G3BP1: variants seen among roughly 807,000 people sequenced by gnomAD.
G3BP1 encodes the protein G3BP stress granule assembly factor 1.
G3BP1 carries 35 observed loss-of-function variants against 58.6 expected under a neutral mutation model. That is an observed-to-expected ratio of 0.60 (90% CI 0.46 to 0.79). G3BP1 has a LOEUF of 0.79. Ranked by LOEUF, G3BP1 falls within the 30% of genes least tolerant of loss-of-function variation. The pLI, the probability that G3BP1 is intolerant of heterozygous loss-of-function variation, is 0.00. For missense variants in G3BP1, 523 were observed against 580.8 expected, an observed-to-expected ratio of 0.90 and a Z score of 1.02; for synonymous variants, 191 against 195.4, an observed-to-expected ratio of 0.98 and a Z score of 0.19.
At position 151,804,385 on chromosome 5, in the gene G3BP1, A is replaced by ATT. The variant is rs764968969; in HGVS notation, c.*309_*310dup. 5.7e-4 allele frequency: 112 copies of ATT among 197,352 alleles called. No homozygotes were observed. Among genetic ancestry groups the ATT allele is most frequent in the Non-Finnish European group, 6.5e-4 (67 of 102,620 alleles). The allele number at this position is 197,352 out of a possible 1,614,324, so 12.2% of individuals were successfully genotyped here. On this transcript the variant is annotated 3_prime_UTR_variant, in exon 12 of 12. Coordinates refer to ENST00000356245, the MANE Select transcript of G3BP1 (RefSeq NM_005754.3). ...TGCTTACTTTGCATATACAGACTGG[A>ATT]TTTTTTTTTTTTTTTTACAGCCATT...
chr5:151,779,370 T>G (rs534715970), intron 1 of G3BP1, among the ~76,000 whole-genome samples: 1 of 152,214 alleles, frequency 6.6e-6, no homozygotes, highest in Non-Finnish European at 1.5e-5. Flanking sequence ...TTTTTTTGTT[T>G]TTTCCATATG....
At position 151,800,830 on chromosome 5, in the gene G3BP1, T is replaced by C; in HGVS notation, c.1155T>C (p.Phe385=). The C allele has an allele frequency of 1.2e-6, 2 of 1,610,140 alleles. No homozygotes were observed. Among genetic ancestry groups the C allele is most frequent in the Non-Finnish European group, 1.7e-6 (2 of 1,176,550 alleles). The stretch of plus-strand genomic sequence containing the variant: ...TACCCAATTTTGGTTTTGTTGTGTT[T>C]GATGATTCTGAGCCTGTTCAGAAAG... The part of the protein sequence containing the change: ...GKLPNFGFVV[F]DDSEPVQKVL... Residue 385 remains phenylalanine (F), a synonymous_variant, in exon 11 of 12, where the codon TTT becomes TTC. Transcript: ENST00000356245.
Position 151,805,486 on chromosome 5 carries a change from A to G in G3BP1, c.*1395A>G, listed in dbSNP as rs914942842. 6.6e-6 allele frequency: 1 copy of G among 152,294 alleles called. No individual in the cohort carries two copies. Among genetic ancestry groups the G allele is most frequent in the African/African-American group, 2.4e-5 (1 of 41,434 alleles). 9.4% of individuals were successfully genotyped at this position (152,294 alleles called of 1,614,324 possible). On this transcript the variant is annotated 3_prime_UTR_variant, in exon 12 of 12. Coordinates refer to ENST00000356245, the MANE Select transcript of G3BP1 (RefSeq NM_005754.3). ...GATTGTCATTACTAATTGAAGGGCA[A>G]CCAGGTTGTAAAATTCAGCGTATTT...
At chr5:151,798,512 C>T (rs962797886) in intron 7 of G3BP1, among the ~76,000 whole-genome samples, 5 of 152,128 alleles carry the variant, frequency 3.3e-5, no homozygotes, top group African/African-American at 7.2e-5. Context: ...CAGGTTCTGG[C>T]GATTTTTAAA....
Position 151,784,609 on chromosome 5 carries a change from T to C in G3BP1, c.-49-1963T>C, listed in dbSNP as rs77694715. On this transcript the variant is annotated intron_variant, in intron 1 of 11. Coordinates refer to ENST00000356245, the MANE Select transcript of G3BP1 (RefSeq NM_005754.3). Reference sequence around the variant, plus strand: ...TGTATTCTTTATTCAGTATGTTTTATCTGACCATAACTAATGTAGAATTTG... The same window carrying C: ...TGTATTCTTTATTCAGTATGTTTTACCTGACCATAACTAATGTAGAATTTG... Among the ~76,000 whole-genome samples, 997 of 152,332 alleles carry C rather than the reference T, an allele frequency of 6.5e-3. 11 individuals carry two copies. The highest frequency in any genetic ancestry group is 0.022 in the African/African-American group (931 of 41,576).
At chr5:151,786,203 C>T (rs751883396) in intron 1 of G3BP1, among the ~76,000 whole-genome samples, 2 of 152,130 alleles carry the variant, frequency 1.3e-5, no homozygotes, top group African/African-American at 4.8e-5. Context: ...GCAGGAGAAT[C>T]GCTTGAACCT....
chr5:151,800,424 C>T, intron 10 of G3BP1, 78 bp downstream of exon 10: 1 of 972,474 alleles, frequency 1.0e-6, no homozygotes, highest in African/African-American at 1.7e-5. Flanking sequence ...AAATGAGCCA[C>T]ATATGTAATT....
intron 11 of G3BP1, among the ~76,000 whole-genome samples, chr5:151,801,676 C>T (rs188995518): frequency 6.6e-6 from 1 of 152,298 alleles, no homozygotes; most frequent in East Asian, 1.9e-4. Flanking sequence ...TTGTACCTGT[C>T]TCCCAACCCC....
chr5:151,780,321 C>G (rs1431462086), intron 1 of G3BP1, among the ~76,000 whole-genome samples: 3 of 152,144 alleles, frequency 2.0e-5, no homozygotes, highest in African/African-American at 7.2e-5. Flanking sequence ...ATACATTCTA[C>G]TAATCTTTTA....
chr5:151,808,440 T>C lies in G3BP1; in HGVS notation c.*4349T>C, dbSNP rs2113260817. On this transcript the variant is annotated 3_prime_UTR_variant, in exon 12 of 12. Coordinates refer to ENST00000356245, the MANE Select transcript of G3BP1 (RefSeq NM_005754.3). ...ACCAGTTTTGGTTTTTGATTATGCA[T>C]ATGTGTTGGCTTGCAATTAGGTTTT... 1 of 152,314 alleles carries C rather than the reference T, an allele frequency of 6.6e-6. No individual in the cohort carries two copies. Among genetic ancestry groups the C allele is most frequent in the African/African-American group, 2.4e-5 (1 of 41,572 alleles). The allele number at this position is 152,314 out of a possible 1,614,324, so 9.4% of individuals were successfully genotyped here. A position where few individuals can be genotyped will look rare whatever the true frequency, so the allele number is the denominator to read the frequency against.
intron 1 of G3BP1, among the ~76,000 whole-genome samples, chr5:151,779,609 A>G (rs1391145483): frequency 3.3e-5 from 5 of 152,204 alleles, no homozygotes; most frequent in African/African-American, 9.7e-5. Context: ...ATCACACAGT[A>G]CATATTTGGC....
At chr5:151,799,760 T>C (rs1762817986) in intron 8 of G3BP1, 129 bp from the exon 9 acceptor site, 1 of 632,668 alleles carries the variant, frequency 1.6e-6, no homozygotes, top group Admixed American at 2.9e-5. Context: ...TATAAGATGG[T>C]TTTTAATGAT....
intron 4 of G3BP1, chr5:151,792,156 A>G (rs923904399): frequency 6.6e-6 from 3 of 456,052 alleles, no homozygotes; most frequent in Admixed American, 2.4e-5. Flanking sequence ...TTTATGTTGA[A>G]TGATTGCATT....
chr5:151,795,768 T>C (rs972345420), intron 6 of G3BP1, among the ~76,000 whole-genome samples, 193 bp downstream of exon 6: 1 of 152,246 alleles, frequency 6.6e-6, no homozygotes, highest in Non-Finnish European at 1.5e-5. Context: ...AATTGTACTA[T>C]GAAGGCAATC....
At chr5:151,778,088 AC>A (rs1414370467) in intron 1 of G3BP1, among the ~76,000 whole-genome samples, 1 of 152,080 alleles carries the variant, frequency 6.6e-6, no homozygotes, top group East Asian at 1.9e-4. Context: ...GTATGGGTAT[AC>A]GCCTTTATTT....
At chr5:151,796,830 A>T (rs925056555) in intron 6 of G3BP1, among the ~76,000 whole-genome samples, 4 of 152,154 alleles carry the variant, frequency 2.6e-5, no homozygotes, top group African/African-American at 9.7e-5. Context: ...TTTATTGAAG[A>T]TAACTTTATA....
intron 7 of G3BP1, among the ~76,000 whole-genome samples, chr5:151,798,722 G>A (rs1762796858): frequency 6.6e-6 from 1 of 152,146 alleles, no homozygotes; most frequent in Admixed American, 6.5e-5. Context: ...CCAGCACTTT[G>A]GGAGGCTGAG....
intron 4 of G3BP1, among the ~76,000 whole-genome samples, chr5:151,793,110 T>A (rs1286892592): frequency 6.6e-6 from 1 of 152,036 alleles, no homozygotes; most frequent in Admixed American, 6.6e-5. Context: ...GTTAGGAATA[T>A]GATTGCCTTT....
intron 1 of G3BP1, chr5:151,772,323 C>T (rs1303802977): frequency 6.6e-6 from 1 of 152,032 alleles, no homozygotes; most frequent in African/African-American, 2.4e-5. Context: ...CCGCCTGGGC[C>T]CCAGGGCGGT....
Sources: gnomAD v4.1 joint callset for allele counts (sites outside exome capture counted in the v4.1 genomes callset) on GRCh38, gnomAD v4.1.1 for gene constraint, MANE v1.5 for transcripts, NCBI Gene and HGNC (gene_info 2026-07-23, HGNC 2026-07-21) for gene names.